PAAF1: variants seen among roughly 807,000 people sequenced by gnomAD.
PAAF1 encodes proteasomal ATPase-associated factor 1.
PAAF1 carries 46 observed loss-of-function variants against 52.8 expected under a neutral mutation model. The observed-to-expected ratio is 0.87, with a 90% CI of 0.69 to 1.11. The LOEUF is 1.11. PAAF1 is among the 50% of genes most tolerant of loss of function. PAAF1 has a pLI of 0.00. For synonymous variants in PAAF1, 178 were observed against 172.8 expected (o/e 1.03, Z -0.24); for missense variants, 424 against 477.4 (o/e 0.89, Z 1.04).
At chr11:73,883,103 G>T (rs1462678666) in intron 2 of PAAF1, among the ~76,000 whole-genome samples, 1 of 152,090 alleles carries the variant, frequency 6.6e-6, no homozygotes, top group Non-Finnish European at 1.5e-5. Flanking sequence ...GTCTCACTAT[G>T]TTGCCCAGGC....
rs912878807 is a variant in PAAF1, at chr11:73,898,223, A to G, written c.283-923A>G. On this transcript the variant is annotated intron_variant, in intron 4 of 11. Transcript: ENST00000310571. ...GGGAGGGGGAGGGGAAGGGGGAGGGAGAGGGAGAGGGAGAGGGAGAGGGAG... is the reference window on the plus strand; with the variant it reads ...GGGAGGGGGAGGGGAAGGGGGAGGGGGAGGGAGAGGGAGAGGGAGAGGGAG... Among the ~76,000 whole-genome samples, 64 of 83,348 alleles carry G rather than the reference A, an allele frequency of 7.7e-4. 1 individual carries two copies. Among genetic ancestry groups the G allele is most frequent in the African/African-American group, 2.4e-3 (56 of 23,064 alleles). The allele number at this position is 83,348 out of a possible 152,430, so 54.7% of individuals were successfully genotyped here. A position where few individuals can be genotyped will look rare whatever the true frequency, so the allele number is the denominator to read the frequency against.
chr11:73,901,123 A>G (rs1012837786), intron 6 of PAAF1, among the ~76,000 whole-genome samples: 2 of 151,300 alleles, frequency 1.3e-5, no homozygotes, highest in African/African-American at 4.9e-5. Context: ...ATGTGTCTGC[A>G]TTTTCTCATA....
At chr11:73,898,221 GGA>G (rs1949482294) in intron 4 of PAAF1, among the ~76,000 whole-genome samples, 1 of 106,694 alleles carries the variant, frequency 9.4e-6, no homozygotes, top group Non-Finnish European at 2.1e-5. Context: ...GAAGGGGGAG[GGA>G]GAGGGAGAGG....
chr11:73,882,589 G>A (rs1419832037), intron 2 of PAAF1, among the ~76,000 whole-genome samples: 1 of 151,744 alleles, frequency 6.6e-6, no homozygotes, highest in African/African-American at 2.4e-5. Context: ...TGGGATTTCA[G>A]ACATGCGCCA....
chr11:73,876,752 C>T, upstream of PAAF1: 1 of 339,190 alleles, frequency 2.9e-6, no homozygotes, highest in Non-Finnish European at 5.3e-6. Context: ...GTACGCGATG[C>T]TCACCGAACA....
chr11:73,904,635 T>C (rs959525417), intron 6 of PAAF1, among the ~76,000 whole-genome samples: 2 of 151,018 alleles, frequency 1.3e-5, no homozygotes, highest in Non-Finnish European at 3.0e-5. Context: ...TCAAGGCTTA[T>C]TTTTTTTTCG....
chr11:73,882,881 G>C (rs1220882019), intron 2 of PAAF1, among the ~76,000 whole-genome samples: 1 of 151,734 alleles, frequency 6.6e-6, no homozygotes, highest in South Asian at 2.1e-4. Context: ...GGGATTACAG[G>C]CGTGAGCCAC....
At chr11:73,878,479 A>G (rs1239625518) in intron 1 of PAAF1, among the ~76,000 whole-genome samples, 1 of 152,238 alleles carries the variant, frequency 6.6e-6, no homozygotes, top group Non-Finnish European at 1.5e-5. Flanking sequence ...GGCTTGGTTT[A>G]CAATAATCCT....
In PAAF1 at chr11:73,916,572, T is replaced by C; in HGVS notation, c.847T>C (p.Phe283Leu). 1.2e-6 allele frequency: 2 copies of C among 1,613,758 alleles called. No homozygotes were observed. The highest frequency in any genetic ancestry group is 2.7e-5 in the African/African-American group (2 of 75,048). The change falls in exon 9 of 12, where the codon TTC (phenylalanine) becomes CTC (leucine). Residue 283 changes from phenylalanine (F) to leucine (L), a missense_variant. Phe to Leu is a conservative substitution (Grantham distance 22). Coordinates refer to ENST00000310571, the MANE Select transcript of PAAF1 (RefSeq NM_025155.3). ...GTTCCTCTTTATTGGCTCAGACGCT[T>C]TCAACTGCTGTACTTTTCTCTCTGG... ...LVFLFIGSDA[F>L]NCCTFLSGFL...
intron 11 of PAAF1, among the ~76,000 whole-genome samples, chr11:73,925,741 A>G (rs868304847): frequency 1.3e-5 from 2 of 152,146 alleles, no homozygotes; most frequent in African/African-American, 2.4e-5. Context: ...CTTTGTTACT[A>G]TTTGTTGAGG....
rs371017911 is a variant in PAAF1 at position 73,916,661 on chromosome 11, G to T, written c.935+1G>T. On this transcript the variant is annotated splice_donor_variant, in intron 9 of 11. Transcript: ENST00000310571. LOFTEE classifies it high-confidence loss of function. ...ATCAGCTGGATGTGAGGAGTCCAAGGTGAGTCACCATTCATTTACATGATG... is the reference window on the plus strand; with the variant it reads ...ATCAGCTGGATGTGAGGAGTCCAAGTTGAGTCACCATTCATTTACATGATG... 31 of 1,607,178 alleles carry T rather than the reference G, an allele frequency of 1.9e-5. No homozygotes were observed. Among genetic ancestry groups the T allele is most frequent in the Non-Finnish European group, 2.6e-5 (31 of 1,174,298 alleles).
chr11:73,897,669 C>T (rs1375135289), intron 4 of PAAF1, among the ~76,000 whole-genome samples: 1 of 151,296 alleles, frequency 6.6e-6, no homozygotes, highest in African/African-American at 2.4e-5. Context: ...GACTGGGCGG[C>T]CGGGCAGAGA....
chr11:73,923,639 G>A (rs868645297), intron 10 of PAAF1, among the ~76,000 whole-genome samples: 1 of 152,064 alleles, frequency 6.6e-6, no homozygotes, highest in Non-Finnish European at 1.5e-5. Context: ...GGGTTCAAGC[G>A]ATTCTCCTGC....
At chr11:73,921,793 A>G in intron 10 of PAAF1, 1 of 1,190,930 alleles carries the variant, frequency 8.4e-7, no homozygotes, top group Non-Finnish European at 1.2e-6. Context: ...TAGATGTTGT[A>G]AATAGGCCCT....
intron 4 of PAAF1, among the ~76,000 whole-genome samples, chr11:73,896,293 T>C (rs1307534288): frequency 7.7e-6 from 1 of 129,932 alleles, no homozygotes; most frequent in East Asian, 2.1e-4. Context: ...TTTTCTTTTT[T>C]TCTTTTTTAT....
At chr11:73,900,976 C>T (rs1320088713) in intron 6 of PAAF1, among the ~76,000 whole-genome samples, 3 of 105,768 alleles carry the variant, frequency 2.8e-5, no homozygotes, top group Admixed American at 1.2e-4. Context: ...AGCGAGACTC[C>T]GTCTCAAAAA....
Position 73,877,067 on chromosome 11 carries a change from A to G in PAAF1, c.46A>G (p.Arg16Gly), listed in dbSNP as rs781250049. 4.7e-5 allele frequency: 72 copies of G among 1,536,908 alleles called. 1 individual carries two copies. The South Asian group carries it at 5.5e-4, about 12-fold the overall frequency. Residue 16 changes from arginine (R) to glycine (G), a missense_variant and splice_region_variant, in exon 1 of 12, where the codon AGG (arginine) becomes GGG (glycine). Physicochemically the swap from Arg to Gly is moderately radical, Grantham distance 125 (BLOSUM62 -2). Transcript: ENST00000310571. Reference sequence around the variant, plus strand: ...TCAGAGCGACTGGGCGCAAGCCCTCAGGTGAATCCAGGCCCAGAACAGAGT... The same window carrying G: ...TCAGAGCGACTGGGCGCAAGCCCTCGGGTGAATCCAGGCCCAGAACAGAGT... ...RIQSDWAQAL[R>G]KDEGEAWLSC...
Position 73,930,711 on chromosome 11 carries a change from C to T in PAAF1, c.*3349C>T, listed in dbSNP as rs1452889183. 1 of 151,018 alleles carries T rather than the reference C, an allele frequency of 6.6e-6. No individual in the cohort carries two copies. Among genetic ancestry groups the T allele is most frequent in the Non-Finnish European group, 1.5e-5 (1 of 67,890 alleles). The allele number at this position is 151,018 out of a possible 1,614,324, so 9.4% of individuals were successfully genotyped here. ...GTAGTGAGCTGAGATTGCACCACTG[C>T]ACTCCAGCTTGGGCAACAGAGCGAG... On this transcript the variant is annotated 3_prime_UTR_variant, in exon 12 of 12. Coordinates refer to ENST00000310571, the MANE Select transcript of PAAF1 (RefSeq NM_025155.3).
At chr11:73,891,856 A>G (rs894440437) in intron 4 of PAAF1, among the ~76,000 whole-genome samples, 1 of 152,170 alleles carries the variant, frequency 6.6e-6, no homozygotes, top group African/African-American at 2.4e-5. Context: ...TAGGACAGGG[A>G]TATTTTCTCA....
Sources: gnomAD v4.1 joint callset for allele counts (sites outside exome capture counted in the v4.1 genomes callset) on GRCh38, gnomAD v4.1.1 for gene constraint, MANE v1.5 for transcripts, NCBI Gene and HGNC (gene_info 2026-07-23, HGNC 2026-07-21) for gene names.